Variants in SNX30 observed in about 807,000 individuals in gnomAD.
SNX30 encodes sorting nexin family member 30, also known as sorting nexin-30.
Under a neutral mutation model 46.4 loss-of-function variants are expected in SNX30, and 24 were observed. The ratio of observed to expected loss-of-function variants is 0.52; its 90% CI spans 0.37 to 0.73. SNX30 has a LOEUF of 0.73. SNX30 is among the 30% of genes least tolerant of loss of function. The pLI is 0.00. For missense variants in SNX30, 533 were observed against 555.7 expected, an observed-to-expected ratio of 0.96 and a Z score of 0.41; for synonymous variants, 189 against 211.5, an observed-to-expected ratio of 0.89 and a Z score of 0.92.
At chr9:112,850,777 G>T in intron 6 of SNX30, 82 bp from the exon 7 acceptor site, 2 of 1,029,498 alleles carry the variant, frequency 1.9e-6, no homozygotes, top group East Asian at 2.5e-5. Flanking sequence ...GGGAGGCGTG[G>T]GGGAAAAGAA....
At chr9:112,826,584 A>T (rs931946961) in intron 3 of SNX30, among the ~76,000 whole-genome samples, 1 of 152,180 alleles carries the variant, frequency 6.6e-6, no homozygotes, top group African/African-American at 2.4e-5. Context: ...GGTCAAGGAC[A>T]CAGATGGAAT....
At chr9:112,823,333 T>C (rs541159864) in intron 3 of SNX30, among the ~76,000 whole-genome samples, 1 of 152,338 alleles carries the variant, frequency 6.6e-6, no homozygotes, top group African/African-American at 2.4e-5. Flanking sequence ...ACAGCAGATA[T>C]CTGGAACAAC....
intron 6 of SNX30, among the ~76,000 whole-genome samples, chr9:112,841,758 G>T (rs967530051): frequency 6.6e-6 from 1 of 152,198 alleles, no homozygotes; most frequent in Non-Finnish European, 1.5e-5. Flanking sequence ...GTCTTAAGTG[G>T]CTTGCCCACC....
intron 1 of SNX30, among the ~76,000 whole-genome samples, chr9:112,759,929 T>C (rs886482620): frequency 6.6e-6 from 1 of 152,142 alleles, no homozygotes; most frequent in Non-Finnish European, 1.5e-5. Context: ...TAGTGGGTGA[T>C]GTATATAGCG....
chr9:112,835,720 C>T (rs1840740875), intron 4 of SNX30, among the ~76,000 whole-genome samples: 1 of 152,192 alleles, frequency 6.6e-6, no homozygotes, highest in Admixed American at 6.5e-5. Flanking sequence ...CTGTTTACAG[C>T]ATCCATCCTA....
chr9:112,769,331 G>T (rs1007322307), intron 1 of SNX30, among the ~76,000 whole-genome samples: 1 of 152,264 alleles, frequency 6.6e-6, no homozygotes, highest in African/African-American at 2.4e-5. Context: ...TGGCCGCATA[G>T]CATCCTGGGC....
intron 7 of SNX30, chr9:112,856,710 T>C (rs1273915406): frequency 6.6e-6 from 1 of 152,038 alleles, no homozygotes; most frequent in African/African-American, 2.4e-5. Context: ...AGAATCCCAA[T>C]TGTAAACTGC....
intron 7 of SNX30, among the ~76,000 whole-genome samples, chr9:112,852,320 A>G (rs745780247): frequency 1.8e-4 from 27 of 152,316 alleles, no homozygotes; most frequent in Middle Eastern, 6.8e-3. Flanking sequence ...AACCTGTGTA[A>G]CAATGATTTA....
intron 3 of SNX30, among the ~76,000 whole-genome samples, chr9:112,823,928 C>T (rs926661976): frequency 1.3e-5 from 2 of 152,142 alleles, no homozygotes; most frequent in Non-Finnish European, 2.9e-5. Flanking sequence ...AGCTTTTAAT[C>T]TCTATGCTCC....
chr9:112,826,614 G>C (rs1166838871), intron 3 of SNX30, among the ~76,000 whole-genome samples: 1 of 152,126 alleles, frequency 6.6e-6, no homozygotes, highest in African/African-American at 2.4e-5. Context: ...TAGGGGAGGA[G>C]GGGTTGTTTT....
Position 112,819,266 on chromosome 9 carries a change from C to CTTTTTTT in SNX30, c.459+1463_459+1469dup, listed in dbSNP as rs35138610. ...AGTTCCTTTTTATTTTTCTTTCTTTCTTTTTTTTTTTTTTTTTTGAGATGA... is the reference window on the plus strand; with the variant it reads ...AGTTCCTTTTTATTTTTCTTTCTTTCTTTTTTTTTTTTTTTTTTTTTTTTTGAGATGA... On this transcript the variant is annotated intron_variant, in intron 3 of 8. Coordinates refer to ENST00000374232, the MANE Select transcript of SNX30 (RefSeq NM_001012994.2). 4.8e-4 allele frequency among the ~76,000 whole-genome samples: 56 copies of CTTTTTTT among 116,956 alleles called. 1 individual carries two copies. The highest frequency in any genetic ancestry group is 6.4e-4 in the Non-Finnish European group (38 of 59,620). 76.7% of individuals were successfully genotyped at this position (116,956 alleles called of 152,430 possible). A position where few individuals can be genotyped will look rare whatever the true frequency, so the allele number is the denominator to read the frequency against.
chr9:112,845,500 CCA>C (rs1168092088), intron 6 of SNX30, among the ~76,000 whole-genome samples: 1 of 152,192 alleles, frequency 6.6e-6, no homozygotes, highest in Non-Finnish European at 1.5e-5. Flanking sequence ...ACTTCCTTCT[CCA>C]CTTTGGCAGA....
intron 1 of SNX30, among the ~76,000 whole-genome samples, chr9:112,784,309 GCTTTTTTCTGAAGT>G (rs1368348943): frequency 6.6e-6 from 1 of 152,128 alleles, no homozygotes; most frequent in Non-Finnish European, 1.5e-5. Context: ...TTTTCTGCAT[GCTTTTTTCTGAAGT>G]CTTTTTGTAA....
intron 5 of SNX30, among the ~76,000 whole-genome samples, chr9:112,838,041 C>A (rs1003084487): frequency 2.6e-5 from 4 of 151,578 alleles, no homozygotes; most frequent in African/African-American, 9.7e-5. Flanking sequence ...TAGGCGCCTG[C>A]CACCACACCC....
intron 1 of SNX30, among the ~76,000 whole-genome samples, chr9:112,789,998 AGGG>A (rs1839994948): frequency 6.6e-6 from 1 of 152,184 alleles, no homozygotes; most frequent in Non-Finnish European, 1.5e-5. Flanking sequence ...AAAACTGTTC[AGGG>A]GGGATACTAA....
intron 1 of SNX30, among the ~76,000 whole-genome samples, chr9:112,777,600 A>ATTTTTTTTTTT (rs55784760): frequency 1.3e-5 from 1 of 75,592 alleles, no homozygotes; most frequent in African/African-American, 5.5e-5. Flanking sequence ...CTAGTTTTTA[A>ATTTTTTTTTTT]TTTTTTTTTT....
At chr9:112,791,873 T>A (rs1335047986) in intron 1 of SNX30, among the ~76,000 whole-genome samples, 1 of 152,198 alleles carries the variant, frequency 6.6e-6, no homozygotes, top group Non-Finnish European at 1.5e-5. Context: ...ATGTTATTAA[T>A]GTAATAAATT....
At chr9:112,844,581 G>T (rs1840909463) in intron 6 of SNX30, among the ~76,000 whole-genome samples, 1 of 152,204 alleles carries the variant, frequency 6.6e-6, no homozygotes, top group Admixed American at 6.5e-5. Flanking sequence ...CAAAGGAAGG[G>T]TTGGTGTGGC....
chr9:112,811,487 T>G (rs1470974258), intron 2 of SNX30, among the ~76,000 whole-genome samples: 1 of 152,082 alleles, frequency 6.6e-6, no homozygotes, highest in Non-Finnish European at 1.5e-5. Context: ...GCCCAGTAGG[T>G]GGAGTGCCCT....
Sources: gnomAD v4.1 joint callset for allele counts (sites outside exome capture counted in the v4.1 genomes callset) on GRCh38, gnomAD v4.1.1 for gene constraint, MANE v1.5 for transcripts, NCBI Gene and HGNC (gene_info 2026-07-23, HGNC 2026-07-21) for gene names.